Variants in PDZD2 observed in about 807,000 individuals in gnomAD.
PDZD2 encodes the protein PDZ domain-containing protein 2.
A neutral mutation model predicts 220.7 loss-of-function variants in PDZD2; 90 were observed. The ratio of observed to expected loss-of-function variants is 0.41; its 90% CI spans 0.34 to 0.49. The LOEUF (loss-of-function observed/expected upper bound fraction) is 0.49. Among genes scored for constraint, PDZD2 ranks in the 20% least tolerant of loss-of-function variants. The pLI, the probability that PDZD2 is intolerant of heterozygous loss-of-function variation, is 0.28. For synonymous variants in PDZD2, 1,375 were observed against 1,450.5 expected (o/e 0.95, Z 1.18); for missense variants, 3,174 against 3,608.5 (o/e 0.88, Z 3.08).
intron 1 of PDZD2, among the ~76,000 whole-genome samples, chr5:31,729,422 T>C (rs1749381093): frequency 6.6e-6 from 1 of 152,138 alleles, no homozygotes; most frequent in Admixed American, 6.5e-5. Flanking sequence ...TACATGATCC[T>C]CACAATCACC....
intron 1 of PDZD2, among the ~76,000 whole-genome samples, chr5:31,727,595 G>T (rs148542643): frequency 0.019 from 2,932 of 151,854 alleles, 93 homozygotes; most frequent in African/African-American, 0.067. Context: ...AGCTCCTCAG[G>T]AGGCTGAGGC....
At chr5:31,731,994 T>G (rs1749559809) in intron 1 of PDZD2, among the ~76,000 whole-genome samples, 1 of 152,226 alleles carries the variant, frequency 6.6e-6, no homozygotes, top group Non-Finnish European at 1.5e-5. Context: ...GATCATGAAA[T>G]CTGAGCATTA....
chr5:31,831,354 A>G (rs1376883970), intron 2 of PDZD2, among the ~76,000 whole-genome samples: 1 of 151,432 alleles, frequency 6.6e-6, no homozygotes, highest in African/African-American at 2.4e-5. Context: ...AGTGGTTCAC[A>G]CCTGTAATCC....
intron 1 of PDZD2, among the ~76,000 whole-genome samples, chr5:31,757,230 G>C (rs1751351530): frequency 6.6e-6 from 1 of 152,126 alleles, no homozygotes; most frequent in African/African-American, 2.4e-5. Context: ...AGGCTGCAGT[G>C]AGCTATGACC....
chr5:31,731,834 A>T (rs1464376296), intron 1 of PDZD2, among the ~76,000 whole-genome samples: 1 of 152,218 alleles, frequency 6.6e-6, no homozygotes, highest in Non-Finnish European at 1.5e-5. Context: ...TATTTGTTTG[A>T]ATAACTTATC....
At chr5:31,819,199 A>T (rs1467951186) in intron 2 of PDZD2, among the ~76,000 whole-genome samples, 1 of 152,216 alleles carries the variant, frequency 6.6e-6, no homozygotes, top group Non-Finnish European at 1.5e-5. Flanking sequence ...CTTCTTAAAA[A>T]ATCTTAAAAA....
At position 31,988,622 on chromosome 5, in the gene PDZD2, T is replaced by C. The variant is rs182374494; in HGVS notation, c.978+4966T>C. 8.6e-3 allele frequency among the ~76,000 whole-genome samples: 1,317 copies of C among 152,326 alleles called. 16 individuals are homozygous for C. The highest frequency in any genetic ancestry group is 0.012 in the Non-Finnish European group (820 of 68,018). On this transcript the variant is annotated intron_variant, in intron 3 of 24. Coordinates refer to ENST00000438447, the MANE Select transcript of PDZD2 (RefSeq NM_178140.4). ...GCATTTCTCCCCTGACTCCAGAAGA[T>C]GGGGGTAGGGCAGAAAGTTGCAAGC...
At chr5:31,704,566 AT>A (rs1231965584) in intron 1 of PDZD2, among the ~76,000 whole-genome samples, 2 of 152,336 alleles carry the variant, frequency 1.3e-5, no homozygotes, top group East Asian at 1.9e-4. Flanking sequence ...TTCATCAAAT[AT>A]TTTGACTGCA....
intron 1 of PDZD2, among the ~76,000 whole-genome samples, chr5:31,689,350 T>TTTTTTTTC: frequency 1.7e-5 from 1 of 58,274 alleles, no homozygotes; most frequent in South Asian, 5.2e-4. Context: ...TATATATATA[T>TTTTTTTTC]ATATTTTTTT....
chr5:31,819,549 C>G (rs1430118599), intron 2 of PDZD2, among the ~76,000 whole-genome samples: 1 of 151,110 alleles, frequency 6.6e-6, no homozygotes. Context: ...CCCAGCTACT[C>G]AGGAGGCTGA....
At chr5:32,102,474 C>T (rs977825231) in intron 24 of PDZD2, among the ~76,000 whole-genome samples, 4 of 151,302 alleles carry the variant, frequency 2.6e-5, no homozygotes, top group African/African-American at 7.3e-5. Flanking sequence ...AAGCAGAAGA[C>T]AGGCATAAAT....
chr5:31,718,908 G>A (rs1748616929), intron 1 of PDZD2, among the ~76,000 whole-genome samples: 1 of 152,020 alleles, frequency 6.6e-6, no homozygotes, highest in Non-Finnish European at 1.5e-5. Context: ...CACCACGTTA[G>A]CCAGGATGGT....
At chr5:31,712,561 C>T (rs2150140258) in intron 1 of PDZD2, among the ~76,000 whole-genome samples, 1 of 152,144 alleles carries the variant, frequency 6.6e-6, no homozygotes, top group East Asian at 1.9e-4. Context: ...TGAGTGGGGT[C>T]ACTAGATTTC....
intron 1 of PDZD2, among the ~76,000 whole-genome samples, chr5:31,667,099 G>A (rs1044870484): frequency 3.3e-5 from 5 of 151,998 alleles, no homozygotes; most frequent in Non-Finnish European, 7.4e-5. Flanking sequence ...AGCTGGGCGT[G>A]GTGGTGGGCG....
At chr5:31,653,101 C>T (rs903809847) in intron 1 of PDZD2, among the ~76,000 whole-genome samples, 3 of 152,040 alleles carry the variant, frequency 2.0e-5, no homozygotes, top group East Asian at 3.9e-4. Flanking sequence ...TGGGATCTCC[C>T]GTGGCATATT....
chr5:31,735,728 C>T (rs377534821), intron 1 of PDZD2, among the ~76,000 whole-genome samples: 2 of 152,126 alleles, frequency 1.3e-5, no homozygotes, highest in Non-Finnish European at 2.9e-5. Context: ...GGGCAGATCA[C>T]GAGGTCAAGA....
intron 24 of PDZD2, among the ~76,000 whole-genome samples, chr5:32,105,806 A>G (rs1259255858): frequency 6.6e-6 from 1 of 152,250 alleles, no homozygotes; most frequent in Non-Finnish European, 1.5e-5. Flanking sequence ...TATCCTGCTC[A>G]AATCTGTTAA....
Position 32,074,577 on chromosome 5 carries a change from G to A in PDZD2, c.3471G>A (p.Ser1157=), listed in dbSNP as rs80096746. Residue 1157 remains serine, a synonymous_variant, in exon 18 of 25, where the codon TCG becomes TCA. Coordinates refer to ENST00000438447, the MANE Select transcript of PDZD2 (RefSeq NM_178140.4). ...CCAATGATCCATGCGATCTGGACTC[G>A]AGAGTCCAGGCCACTTCTGTCAAAG... ...GRANDPCDLD[S]RVQATSVKVT... is the part of the protein sequence containing the mutation. 7,229 of 1,613,464 alleles carry A rather than the reference G, an allele frequency of 4.5e-3. 32 individuals are homozygous for A. The highest frequency in any genetic ancestry group is 4.8e-3 in the Non-Finnish European group (5,696 of 1,179,686).
At chr5:31,798,092 G>T (rs768874943) in intron 1 of PDZD2, among the ~76,000 whole-genome samples, 1 of 152,278 alleles carries the variant, frequency 6.6e-6, no homozygotes, top group African/African-American at 2.4e-5. Flanking sequence ...TGAGGCTTTA[G>T]CTCTGGTGGG....
Sources: gnomAD v4.1 joint callset for allele counts (sites outside exome capture counted in the v4.1 genomes callset) on GRCh38, gnomAD v4.1.1 for gene constraint, MANE v1.5 for transcripts, NCBI Gene and HGNC (gene_info 2026-07-23, HGNC 2026-07-21) for gene names.